Variants in MCF2L2 observed in about 807,000 individuals in gnomAD.
The protein encoded by MCF2L2 is probable guanine nucleotide exchange factor MCF2L2.
MCF2L2 carries 102 observed loss-of-function variants against 150.2 expected under a neutral mutation model. That is an observed-to-expected ratio of 0.68 (90% CI 0.58 to 0.80). MCF2L2 has a LOEUF of 0.80. Ranked by LOEUF, MCF2L2 falls within the 30% of genes least tolerant of loss-of-function variation. The pLI is 0.00. For missense variants in MCF2L2, 1,256 were observed against 1,372.8 expected (o/e 0.91, Z 1.34); for synonymous variants, 465 against 491.3 (o/e 0.95, Z 0.71).
chr3:183,418,341 G>C (rs1319305409), intron 1 of MCF2L2, among the ~76,000 whole-genome samples: 9 of 152,288 alleles, frequency 5.9e-5, no homozygotes, highest in Non-Finnish European at 8.8e-5. Flanking sequence ...ATGAGATTTG[G>C]ATAGGAACAC....
At chr3:183,240,601 G>T (rs1021915000) in intron 15 of MCF2L2, among the ~76,000 whole-genome samples, 6 of 152,164 alleles carry the variant, frequency 3.9e-5, no homozygotes, top group Non-Finnish European at 8.8e-5. Flanking sequence ...AAGAGTTTAA[G>T]ACTCTCTGTT....
At chr3:183,246,558 G>A (rs1007909942) in intron 15 of MCF2L2, among the ~76,000 whole-genome samples, 1 of 152,092 alleles carries the variant, frequency 6.6e-6, no homozygotes, top group Non-Finnish European at 1.5e-5. Context: ...CATTTTATGT[G>A]TCTACCACAT....
At chr3:183,403,833 C>G (rs1456165799) in intron 1 of MCF2L2, among the ~76,000 whole-genome samples, 1 of 152,140 alleles carries the variant, frequency 6.6e-6, no homozygotes, top group Non-Finnish European at 1.5e-5. Flanking sequence ...TGGAGGTTCA[C>G]AGCACATTCC....
At chr3:183,334,538 G>A (rs997161693) in intron 5 of MCF2L2, among the ~76,000 whole-genome samples, 10 of 150,178 alleles carry the variant, frequency 6.7e-5, no homozygotes, top group African/African-American at 2.2e-4. Context: ...CTGTAATACC[G>A]GCACTTTGGG....
chr3:183,193,161 C>T (rs1212880316), intron 26 of MCF2L2, 65 bp from the exon 27 acceptor site: 2 of 1,361,736 alleles, frequency 1.5e-6, no homozygotes, highest in Non-Finnish European at 1.0e-6. Context: ...CCTCCCCCAC[C>T]AGTTGGAGTA....
At chr3:183,223,162 T>A (rs1723205559) in intron 20 of MCF2L2, among the ~76,000 whole-genome samples, 184 bp downstream of exon 20, 1 of 152,212 alleles carries the variant, frequency 6.6e-6, no homozygotes, top group South Asian at 2.1e-4. Context: ...ACTCTATGAT[T>A]CTTTGGTCTT....
At chr3:183,194,933 C>T (rs2108636900) in intron 26 of MCF2L2, among the ~76,000 whole-genome samples, 1 of 152,206 alleles carries the variant, frequency 6.6e-6, no homozygotes, top group Admixed American at 6.5e-5. Context: ...AAGCACGCCA[C>T]CACCTAGGCT....
At chr3:183,280,857 A>C (rs1264239315) in intron 14 of MCF2L2, among the ~76,000 whole-genome samples, 2 of 151,352 alleles carry the variant, frequency 1.3e-5, no homozygotes, top group Non-Finnish European at 2.9e-5. Flanking sequence ...AAAAAAAAAA[A>C]AAAAACAAAC....
intron 1 of MCF2L2, among the ~76,000 whole-genome samples, chr3:183,406,771 G>C (rs111520286): frequency 0.023 from 3,558 of 152,264 alleles, 152 homozygotes; most frequent in African/African-American, 0.081. Context: ...TTACAGGCGT[G>C]AGCCACCACA....
intron 15 of MCF2L2, among the ~76,000 whole-genome samples, chr3:183,240,218 C>A (rs768589933): frequency 6.6e-6 from 1 of 152,222 alleles, no homozygotes; most frequent in Non-Finnish European, 1.5e-5. Context: ...TTGCAGACCA[C>A]CAGGCTACGC....
At chr3:183,317,853 C>T (rs1167861092) in intron 7 of MCF2L2, among the ~76,000 whole-genome samples, 2 of 152,200 alleles carry the variant, frequency 1.3e-5, no homozygotes, top group South Asian at 2.1e-4. Flanking sequence ...CACTCACCAC[C>T]CAGTCTCAAG....
chr3:183,226,887 G>C (rs1190696227), intron 18 of MCF2L2: 1 of 152,170 alleles, frequency 6.6e-6, no homozygotes, highest in African/African-American at 2.4e-5. Flanking sequence ...ATAGTTTTCA[G>C]TGTACATTGA....
intron 3 of MCF2L2, among the ~76,000 whole-genome samples, chr3:183,367,701 C>G (rs762095818): frequency 6.6e-6 from 1 of 152,262 alleles, no homozygotes; most frequent in Middle Eastern, 3.4e-3. Context: ...CAGATACTAT[C>G]TAAGGTAGCT....
At chr3:183,336,318 G>A (rs757374846) in intron 5 of MCF2L2, among the ~76,000 whole-genome samples, 20 of 151,992 alleles carry the variant, frequency 1.3e-4, no homozygotes, top group Non-Finnish European at 2.8e-4. Flanking sequence ...CTGGACAAAG[G>A]GCATGTGATA....
chr3:183,386,601 G>C (rs902003224), intron 2 of MCF2L2, among the ~76,000 whole-genome samples: 3 of 152,220 alleles, frequency 2.0e-5, no homozygotes, highest in Non-Finnish European at 4.4e-5. Flanking sequence ...TCCTTCCAGA[G>C]ATCAGTGAAA....
intron 15 of MCF2L2, among the ~76,000 whole-genome samples, chr3:183,265,752 T>C (rs1238602935): frequency 6.6e-6 from 1 of 152,230 alleles, no homozygotes; most frequent in African/African-American, 2.4e-5. Flanking sequence ...CTTCCCCTTA[T>C]CATTCAAGTA....
At chr3:183,421,970 ATCTC>A (rs1229155564) in intron 1 of MCF2L2, among the ~76,000 whole-genome samples, 2 of 152,042 alleles carry the variant, frequency 1.3e-5, no homozygotes, top group African/African-American at 2.4e-5. Flanking sequence ...TCCCTTTCTG[ATCTC>A]TCTGTTGTCT....
chr3:183,208,430 T>C (rs754672106), intron 22 of MCF2L2, among the ~76,000 whole-genome samples: 1 of 152,168 alleles, frequency 6.6e-6, no homozygotes, highest in African/African-American at 2.4e-5. Context: ...GCCAAGATAA[T>C]ACCAAATGAC....
chr3:183,304,139 T>C (rs1213807700), intron 10 of MCF2L2, among the ~76,000 whole-genome samples: 2 of 152,230 alleles, frequency 1.3e-5, no homozygotes, highest in Non-Finnish European at 2.9e-5. Flanking sequence ...AAACTTTCTC[T>C]GTGCTTCTCT....
Sources: gnomAD v4.1 joint callset for allele counts (sites outside exome capture counted in the v4.1 genomes callset) on GRCh38, gnomAD v4.1.1 for gene constraint, MANE v1.5 for transcripts, NCBI Gene and HGNC (gene_info 2026-07-23, HGNC 2026-07-21) for gene names.